Variants in USP45 observed in about 807,000 individuals in gnomAD.
USP45 encodes ubiquitin specific peptidase 45, also known as ubiquitin carboxyl-terminal hydrolase 45.
Under a neutral mutation model 95.8 loss-of-function variants are expected in USP45, and 89 were observed. That is an observed-to-expected ratio of 0.93 (90% confidence interval 0.78 to 1.11). The LOEUF is 1.11. Among genes scored for constraint, USP45 ranks in the 50% least tolerant of loss-of-function variants. The pLI is 0.00. For missense variants in USP45, 898 were observed against 942.5 expected (o/e 0.95, Z 0.62); for synonymous variants, 281 against 316.2 (o/e 0.89, Z 1.18).
At chr6:99,508,984 T>C (rs985588842) in intron 2 of USP45, among the ~76,000 whole-genome samples, 84 of 152,204 alleles carry the variant, frequency 5.5e-4, no homozygotes, top group African/African-American at 2.0e-3. Context: ...GAGAAGAGAT[T>C]CATGGTTGTA....
intron 13 of USP45, among the ~76,000 whole-genome samples, chr6:99,450,142 A>C (rs930410913): frequency 2.6e-5 from 4 of 152,090 alleles, no homozygotes; most frequent in Non-Finnish European, 4.4e-5. Context: ...AGAGCAAACA[A>C]ATTCAAAAGC....
chr6:99,467,387 T>C (rs1788232520), intron 10 of USP45, among the ~76,000 whole-genome samples: 1 of 152,148 alleles, frequency 6.6e-6, no homozygotes, highest in Admixed American at 6.5e-5. Flanking sequence ...CTCTCTACTT[T>C]AATAAAAATT....
intron 13 of USP45, among the ~76,000 whole-genome samples, chr6:99,453,537 T>C (rs1038306398): frequency 2.0e-5 from 3 of 152,148 alleles, no homozygotes; most frequent in African/African-American, 7.2e-5. Context: ...CGAAAAAGCA[T>C]CCCATGCTCA....
At chr6:99,451,496 G>T (rs984634230) in intron 13 of USP45, among the ~76,000 whole-genome samples, 68 of 152,266 alleles carry the variant, frequency 4.5e-4, no homozygotes, top group African/African-American at 1.6e-3. Flanking sequence ...CCTCTTCAAG[G>T]AGAACTACAA....
At chr6:99,484,785 T>C (rs1331719721) in intron 7 of USP45, among the ~76,000 whole-genome samples, 2 of 145,564 alleles carry the variant, frequency 1.4e-5, no homozygotes, top group Non-Finnish European at 3.0e-5. Context: ...AATGAGACTG[T>C]CTCCAAAAAA....
rs576521038 is a variant in USP45 at position 99,455,244 on chromosome 6, C to A, written c.1309-8781G>T. ...ATCACTTGAGGTCAGGAGTTTGAGA[C>A]CACCAGCCTGGGGAACATGGTGAAA... On this transcript the variant is annotated intron_variant, in intron 13 of 17. Coordinates refer to ENST00000500704, the MANE Select transcript of USP45 (RefSeq NM_001346022.3). Among the ~76,000 whole-genome samples the A allele has an allele frequency of 7.1e-5, 8 of 111,944 alleles. No individual in the cohort carries two copies. The East Asian group carries it at 1.2e-3, about 16-fold the overall frequency. The allele number at this position is 111,944 out of a possible 152,430, so 73.4% of individuals were successfully genotyped here.
chr6:99,479,513 T>C (rs923218153), intron 8 of USP45, among the ~76,000 whole-genome samples: 5 of 149,608 alleles, frequency 3.3e-5, no homozygotes, highest in African/African-American at 1.2e-4. Context: ...AGTAGTACAC[T>C]TTAAATATGT....
chr6:99,502,014 C>G (rs1219134977), intron 5 of USP45: 1 of 1,297,426 alleles, frequency 7.7e-7, no homozygotes, highest in East Asian at 5.6e-5. Context: ...CTGGCCCTGC[C>G]AGAAAGACCA....
intron 17 of USP45, among the ~76,000 whole-genome samples, chr6:99,436,945 T>TA (rs1428872843): frequency 1.3e-5 from 2 of 152,014 alleles, no homozygotes; most frequent in Admixed American, 1.3e-4. Context: ...ACTAAAAATA[T>TA]AAAAAATTAG....
At chr6:99,515,979 GT>G (rs1359591765), upstream of USP45, among the ~76,000 whole-genome samples, 1 of 151,762 alleles carries the variant, frequency 6.6e-6, no homozygotes, top group Non-Finnish European at 1.5e-5. Flanking sequence ...GGGTTTCACC[GT>G]GTTAGCCAGG....
At chr6:99,485,237 C>T (rs1283271842) in intron 7 of USP45, among the ~76,000 whole-genome samples, 1 of 150,420 alleles carries the variant, frequency 6.6e-6, no homozygotes, top group Non-Finnish European at 1.5e-5. Context: ...CCCAGCTATT[C>T]AGGAAGCTGA....
At chr6:99,480,837 C>T (rs1792220690) in intron 8 of USP45, among the ~76,000 whole-genome samples, 1 of 151,982 alleles carries the variant, frequency 6.6e-6, no homozygotes, top group Non-Finnish European at 1.5e-5. Context: ...AGAAATAAAC[C>T]CAAACACATG....
At chr6:99,442,268 A>G (rs796768336) in intron 15 of USP45, among the ~76,000 whole-genome samples, 5 of 152,324 alleles carry the variant, frequency 3.3e-5, no homozygotes, top group African/African-American at 9.6e-5. Flanking sequence ...ATCACTGCAG[A>G]TGTACCCTTT....
chr6:99,472,604 T>C (rs906153677), intron 9 of USP45, among the ~76,000 whole-genome samples: 15 of 152,150 alleles, frequency 9.9e-5, no homozygotes, highest in African/African-American at 3.6e-4. Context: ...AAAATAATTC[T>C]AGCAATTGAT....
At chr6:99,461,575 C>T (rs1164032869) in intron 13 of USP45, 1 of 985,352 alleles carries the variant, frequency 1.0e-6, no homozygotes. Flanking sequence ...TCAGAGATAA[C>T]ATCTTCCAAC....
intron 15 of USP45, among the ~76,000 whole-genome samples, chr6:99,440,506 C>T (rs1310422840): frequency 6.6e-6 from 1 of 151,876 alleles, no homozygotes; most frequent in Non-Finnish European, 1.5e-5. Context: ...TTGAGGAGAC[C>T]CATAAATAGA....
rs1782865044 is a variant in USP45, at chr6:99,447,772, T to C, written c.1309-1309A>G. ...CTCAAGTGGGTCCCTGACCTCCGAGTAGCCTAACTGGGAGGCACCCCCCAG... is the reference window on the plus strand; with the variant it reads ...CTCAAGTGGGTCCCTGACCTCCGAGCAGCCTAACTGGGAGGCACCCCCCAG... On this transcript the variant is annotated intron_variant, in intron 13 of 17. Coordinates refer to ENST00000500704, the MANE Select transcript of USP45 (RefSeq NM_001346022.3). Among the ~76,000 whole-genome samples, 3 of 152,072 alleles carry C rather than the reference T, an allele frequency of 2.0e-5. No individual in the cohort carries two copies. In the South Asian group the frequency reaches 6.2e-4, roughly 32 times the overall value.
In USP45 at chr6:99,435,864, A is replaced by G. The variant is rs1187148194; in HGVS notation, c.2315-18T>C. On this transcript the variant is annotated intron_variant, in intron 17 of 17. Transcript: ENST00000500704. ...TTTCAAACCTAGCAAAACAAAAAGA[A>G]GTACAATTTTAAAGTAAGTATGCTT... 1.9e-6 allele frequency: 3 copies of G among 1,601,004 alleles called. No homozygotes were observed. The highest frequency in any genetic ancestry group is 3.5e-5 in the Admixed American group (2 of 57,276).
intron 14 of USP45, among the ~76,000 whole-genome samples, chr6:99,444,769 T>C (rs1329836949): frequency 1.3e-5 from 2 of 152,186 alleles, no homozygotes; most frequent in Non-Finnish European, 2.9e-5. Flanking sequence ...TGCCCATGTT[T>C]TCCCCTCACT....
Sources: gnomAD v4.1 joint callset for allele counts (sites outside exome capture counted in the v4.1 genomes callset) on GRCh38, gnomAD v4.1.1 for gene constraint, MANE v1.5 for transcripts, NCBI Gene and HGNC (gene_info 2026-07-23, HGNC 2026-07-21) for gene names.